Variants in CCSER1 observed in about 807,000 individuals in gnomAD.
The protein encoded by CCSER1 is serine-rich coiled-coil domain-containing protein 1.
In CCSER1, 41 loss-of-function variants were observed where a neutral mutation model predicts 82.0. The observed-to-expected ratio is 0.50, with a 90% confidence interval of 0.39 to 0.65. The LOEUF (loss-of-function observed/expected upper bound fraction) is 0.65, where lower values mean the gene tolerates loss of function less well. CCSER1 is among the 30% of genes least tolerant of loss of function. The probability of loss-of-function intolerance (pLI) is 0.00; values close to 1 mark genes in which losing one functional copy is unlikely to be tolerated. For missense variants in CCSER1, 1,119 were observed against 1,064.2 expected, an observed-to-expected ratio of 1.05 and a Z score of -0.72; for synonymous variants, 414 against 383.9, an observed-to-expected ratio of 1.08 and a Z score of -0.92.
intron 10 of CCSER1, among the ~76,000 whole-genome samples, chr4:91,119,243 G>A (rs1726885145): frequency 6.6e-6 from 1 of 152,064 alleles, no homozygotes; most frequent in Admixed American, 6.6e-5. Context: ...TTAGAATAGA[G>A]TATTATTCTT....
chr4:90,421,687 G>A (rs1240924249), intron 4 of CCSER1, among the ~76,000 whole-genome samples: 2 of 152,104 alleles, frequency 1.3e-5, no homozygotes, highest in African/African-American at 4.8e-5. Flanking sequence ...GCAAGAACCT[G>A]GGGAAAGAAT....
At chr4:90,617,646 A>G (rs548107195) in intron 5 of CCSER1, among the ~76,000 whole-genome samples, 3 of 152,258 alleles carry the variant, frequency 2.0e-5, no homozygotes, top group Admixed American at 2.0e-4. Flanking sequence ...ATCTAACCTT[A>G]TGATTTATAG....
intron 4 of CCSER1, among the ~76,000 whole-genome samples, chr4:90,414,707 G>A (rs1357952559): frequency 6.6e-6 from 1 of 151,680 alleles, no homozygotes; most frequent in Non-Finnish European, 1.5e-5. Flanking sequence ...TTTAAAAAGG[G>A]GTTTTAATGA....
chr4:90,470,574 A>G lies in CCSER1; in HGVS notation c.1724+2220A>G, dbSNP rs142242447. ...TCTTCAAGTACAGTTTTGGTTCTCA[A>G]ATGATATCATCAAGGGTCATTCTCT... On this transcript the variant is annotated intron_variant, in intron 5 of 10. Coordinates refer to ENST00000509176, the MANE Select transcript of CCSER1 (RefSeq NM_001145065.2). Among the ~76,000 whole-genome samples, 861 of 152,216 alleles carry G rather than the reference A, an allele frequency of 5.7e-3. 3 individuals carry two copies. Among genetic ancestry groups the G allele is most frequent in the Middle Eastern group, 0.01 (3 of 294 alleles).
chr4:90,730,494 C>T (rs888431872), intron 7 of CCSER1, among the ~76,000 whole-genome samples: 1 of 152,080 alleles, frequency 6.6e-6, no homozygotes, highest in Non-Finnish European at 1.5e-5. Context: ...ATTGGTATGT[C>T]GATGTCAACA....
intron 7 of CCSER1, among the ~76,000 whole-genome samples, chr4:90,728,106 G>T (rs1744007801): frequency 6.6e-6 from 1 of 152,056 alleles, no homozygotes; most frequent in South Asian, 2.1e-4. Flanking sequence ...TGCTTCCCTG[G>T]GATGTTTGCA....
At chr4:91,373,760 G>T (rs538616540) in intron 10 of CCSER1, among the ~76,000 whole-genome samples, 1 of 152,264 alleles carries the variant, frequency 6.6e-6, no homozygotes, top group East Asian at 1.9e-4. Flanking sequence ...AAGAAGGCAC[G>T]TCAAAAGCTG....
chr4:90,365,361 A>G (rs1746105731), intron 3 of CCSER1, among the ~76,000 whole-genome samples: 1 of 151,830 alleles, frequency 6.6e-6, no homozygotes, highest in African/African-American at 2.4e-5. Context: ...GTATATAAAT[A>G]TATATGTGCA....
chr4:91,539,790 C>T (rs1397035478), intron 10 of CCSER1, among the ~76,000 whole-genome samples: 5 of 152,064 alleles, frequency 3.3e-5, no homozygotes, highest in Non-Finnish European at 5.9e-5. Context: ...TCTTTACTTA[C>T]TACATCTTTA....
At chr4:91,365,539 A>G (rs1480323762) in intron 10 of CCSER1, among the ~76,000 whole-genome samples, 1 of 152,236 alleles carries the variant, frequency 6.6e-6, no homozygotes, top group Non-Finnish European at 1.5e-5. Context: ...TCAGTGGTAC[A>G]GAATCAGACT....
chr4:91,535,546 A>G (rs1246418491), intron 10 of CCSER1, among the ~76,000 whole-genome samples: 1 of 152,080 alleles, frequency 6.6e-6, no homozygotes. Flanking sequence ...TAGCAGTTGG[A>G]TGTCTTTTGG....
chr4:91,165,028 T>C (rs1731880754), intron 10 of CCSER1, among the ~76,000 whole-genome samples: 1 of 152,228 alleles, frequency 6.6e-6, no homozygotes, highest in South Asian at 2.1e-4. Context: ...TTTTTAGAAT[T>C]TTCAGCTTTT....
At chr4:90,698,930 C>T (rs1394439145) in intron 6 of CCSER1, among the ~76,000 whole-genome samples, 1 of 151,948 alleles carries the variant, frequency 6.6e-6, no homozygotes, top group East Asian at 1.9e-4. Flanking sequence ...CATAGTGGGA[C>T]TCCATCTCTA....
intron 10 of CCSER1, among the ~76,000 whole-genome samples, chr4:91,459,853 C>A (rs1379532554): frequency 2.6e-5 from 4 of 152,100 alleles, no homozygotes; most frequent in Non-Finnish European, 5.9e-5. Context: ...CACTTGCTTA[C>A]TAGATTATTT....
intron 3 of CCSER1, among the ~76,000 whole-genome samples, chr4:90,387,786 A>G (rs1314691309): frequency 6.6e-6 from 1 of 152,196 alleles, no homozygotes; most frequent in Non-Finnish European, 1.5e-5. Flanking sequence ...ACAGAAGCTT[A>G]CATTTGAATC....
chr4:91,377,821 G>A (rs189029972), intron 10 of CCSER1, among the ~76,000 whole-genome samples: 2,981 of 152,162 alleles, frequency 0.02, 76 homozygotes, highest in African/African-American at 0.067. Flanking sequence ...TGAAGTCCTT[G>A]CCCATGCCTA....
intron 7 of CCSER1, among the ~76,000 whole-genome samples, chr4:90,809,784 T>C (rs1443855762): frequency 2.0e-5 from 3 of 151,970 alleles, no homozygotes; most frequent in Non-Finnish European, 2.9e-5. Flanking sequence ...CCTAGCTACT[T>C]GGGAGGCCGA....
intron 4 of CCSER1, among the ~76,000 whole-genome samples, chr4:90,423,213 T>A (rs1046057838): frequency 1.3e-5 from 2 of 152,122 alleles, no homozygotes; most frequent in Non-Finnish European, 2.9e-5. Context: ...CAGGTGGTTC[T>A]TTTTATTTAT....
chr4:90,946,446 C>T (rs970247682), intron 9 of CCSER1, among the ~76,000 whole-genome samples: 8 of 152,064 alleles, frequency 5.3e-5, no homozygotes, highest in Non-Finnish European at 7.4e-5. Flanking sequence ...GCCTGGCCAA[C>T]GTGGTGAAAA....
Sources: allele counts gnomAD v4.1 joint callset (sites outside exome capture counted in the v4.1 genomes callset), GRCh38; gene constraint gnomAD v4.1.1; transcripts MANE v1.5; gene names NCBI Gene and HGNC (gene_info 2026-07-23, HGNC 2026-07-21).